Variants in SPTLC1 observed in about 807,000 individuals in gnomAD.
SPTLC1 encodes the protein serine palmitoyltransferase long chain base subunit 1.
A neutral mutation model predicts 68.9 loss-of-function variants in SPTLC1; 55 were observed. The observed-to-expected ratio is 0.80, with a 90% CI of 0.64 to 1.00. The LOEUF is 1.00. SPTLC1 is among the 50% of genes least tolerant of loss of function. The pLI is 0.00. For synonymous variants in SPTLC1, 197 were observed against 201.6 expected (o/e 0.98, Z 0.19); for missense variants, 449 against 573.1 (o/e 0.78, Z 2.21).
At chr9:92,076,476 C>G (rs1587949410) in intron 5 of SPTLC1, among the ~76,000 whole-genome samples, 1 of 152,208 alleles carries the variant, frequency 6.6e-6, no homozygotes, top group South Asian at 2.1e-4. Flanking sequence ...TCACTTCCCA[C>G]TCAAGGCAAC....
At chr9:92,069,278 A>C (rs560963173) in intron 5 of SPTLC1, among the ~76,000 whole-genome samples, 1 of 152,336 alleles carries the variant, frequency 6.6e-6, no homozygotes, top group African/African-American at 2.4e-5. Context: ...AAAATGAACT[A>C]TTAATTCCAT....
chr9:92,079,550 G>A (rs1165638219), intron 5 of SPTLC1: 1 of 1,613,450 alleles, frequency 6.2e-7, no homozygotes, highest in Non-Finnish European at 8.5e-7. Context: ...GGAAATCAAT[G>A]ATCCTTCATC....
chr9:92,049,968 C>A lies in SPTLC1; in HGVS notation c.880G>T (p.Gly294Ter), dbSNP rs1429517570. 1 of 1,606,296 alleles carries A rather than the reference C, an allele frequency of 6.2e-7. No homozygotes were observed. The highest frequency in any genetic ancestry group is 1.1e-5 in the South Asian group (1 of 90,914). Residue 294 changes from glycine to a stop codon, truncating the protein, a stop_gained, in exon 9 of 15, where the codon GGA becomes TGA. Coordinates refer to ENST00000262554, the MANE Select transcript of SPTLC1 (RefSeq NM_006415.4). LOFTEE classifies it high-confidence loss of function. ...EHGRGVTEHY[G>*]INIDDIDLIS... ...AAAAAAGGGGAACTTACATTGATTC[C>A]ATAGTGTTCAGTGACTCCTCGGCCA...
intron 7 of SPTLC1, among the ~76,000 whole-genome samples, chr9:92,057,890 T>G (rs1034273861): frequency 6.6e-6 from 1 of 152,212 alleles, no homozygotes; most frequent in African/African-American, 2.4e-5. Context: ...TAATTTTACT[T>G]CTTGTTGCTC....
chr9:92,059,324 A>G lies in SPTLC1; in HGVS notation c.561-16T>C, dbSNP rs1957845661. On this transcript the variant is annotated splice_polypyrimidine_tract_variant and intron_variant, in intron 6 of 14. Transcript: ENST00000262554. ...AGCTCTATCTCTGCAAGGAAAAGAGATCCACCAAATTGGGTTTAAAGGGTC... is the reference window on the plus strand; with the variant it reads ...AGCTCTATCTCTGCAAGGAAAAGAGGTCCACCAAATTGGGTTTAAAGGGTC... 6.2e-7 allele frequency: 1 copy of G among 1,612,976 alleles called. No homozygotes were observed. The highest frequency in any genetic ancestry group is 8.5e-7 in the Non-Finnish European group (1 of 1,179,952).
chr9:92,074,682 C>T (rs1457615603), intron 5 of SPTLC1, among the ~76,000 whole-genome samples: 3 of 152,110 alleles, frequency 2.0e-5, no homozygotes, highest in African/African-American at 7.2e-5. Flanking sequence ...TTAGTCCCTA[C>T]CAACTCCCCT....
intron 1 of SPTLC1, among the ~76,000 whole-genome samples, chr9:92,113,055 C>T (rs111923573): frequency 0.018 from 2,661 of 151,706 alleles, 68 homozygotes; most frequent in African/African-American, 0.06. Context: ...TGTGGTGAGC[C>T]GAGATCACAC....
intron 3 of SPTLC1, among the ~76,000 whole-genome samples, chr9:92,085,124 TTC>T (rs1240899782): frequency 6.6e-6 from 1 of 151,552 alleles, no homozygotes; most frequent in Admixed American, 6.6e-5. Flanking sequence ...TATTTGATTC[TTC>T]TCTCTTTTTT....
At chr9:92,062,348 G>A (rs1834136759) in intron 6 of SPTLC1, among the ~76,000 whole-genome samples, 1 of 152,012 alleles carries the variant, frequency 6.6e-6, no homozygotes. Context: ...AAACAAAAAA[G>A]CTAAATTTGA....
At chr9:92,103,634 G>A (rs1003550296) in intron 3 of SPTLC1, among the ~76,000 whole-genome samples, 4 of 152,348 alleles carry the variant, frequency 2.6e-5, no homozygotes, top group African/African-American at 4.8e-5. Flanking sequence ...TCAGGGCACC[G>A]CGTCCTCTCT....
At chr9:92,110,600 T>C (rs1587623389) in intron 2 of SPTLC1, 1 of 152,338 alleles carries the variant, frequency 6.6e-6, no homozygotes, top group Non-Finnish European at 1.5e-5. Context: ...ATTAACATTA[T>C]ATTAGCATAT....
At position 92,038,343 on chromosome 9, in the gene SPTLC1, C is replaced by A. The variant is rs1298409243; in HGVS notation, c.1159G>T (p.Gly387Trp). ...LQGISGLKVV[G>W]ESLSPAFHLQ... Reference sequence around the variant, plus strand: ...TGAAAGGCTGGAGAAAGGGACTCCCCCACCACTTTTAATCCAGAAATGCTG... The same window carrying A: ...TGAAAGGCTGGAGAAAGGGACTCCCACACCACTTTTAATCCAGAAATGCTG... The change falls in exon 13 of 15, where the codon GGG becomes TGG. Residue 387 changes from glycine (G) to tryptophan (W), a missense_variant. By Grantham distance (184) the Gly-to-Trp change is radical (BLOSUM62 -2). This residue lies in a region of SPTLC1 where 391 missense variants were observed against 472.1 expected (regional missense o/e 0.83). Transcript: ENST00000262554. 1.2e-6 allele frequency: 2 copies of A among 1,613,378 alleles called. No homozygotes were observed. Among genetic ancestry groups the A allele is most frequent in the Non-Finnish European group, 1.7e-6 (2 of 1,179,470 alleles).
intron 1 of SPTLC1, among the ~76,000 whole-genome samples, chr9:92,114,770 G>C (rs1209627898): frequency 1.3e-5 from 2 of 150,866 alleles, no homozygotes; most frequent in African/African-American, 4.9e-5. Context: ...AATAAAAATC[G>C]ACTAAACTAG....
chr9:92,111,118 T>A (rs774253183), intron 2 of SPTLC1: 3 of 152,168 alleles, frequency 2.0e-5, no homozygotes, highest in Non-Finnish European at 2.9e-5. Flanking sequence ...ATCTAATGAA[T>A]CACCCTTATG....
At chr9:92,089,174 G>A (rs190241906) in intron 3 of SPTLC1, among the ~76,000 whole-genome samples, 114 of 152,292 alleles carry the variant, frequency 7.5e-4, no homozygotes, top group African/African-American at 2.6e-3. Flanking sequence ...ACTTTGGGAG[G>A]CCGAGGCGAG....
intron 5 of SPTLC1, chr9:92,070,080 A>AT (rs1253120874): frequency 6.6e-6 from 1 of 152,210 alleles, no homozygotes; most frequent in Admixed American, 6.5e-5. Context: ...TACAGTTGCC[A>AT]TAAGTGGGAA....
intron 3 of SPTLC1, among the ~76,000 whole-genome samples, chr9:92,095,175 T>G (rs1191200370): frequency 6.6e-6 from 1 of 152,238 alleles, no homozygotes; most frequent in South Asian, 2.1e-4. Flanking sequence ...AAGACTCCAG[T>G]AGCTAAAAAG....
rs190940854 is a variant in SPTLC1, at chr9:92,040,305, G to A, written c.1137-1940C>T. ...CAATCGCTTGAACCTGGGAGGCAGA[G>A]GTTGCAATGAGCTGAGATCGTGCCA... On this transcript the variant is annotated intron_variant, in intron 12 of 14. Coordinates refer to ENST00000262554, the MANE Select transcript of SPTLC1 (RefSeq NM_006415.4). Among the ~76,000 whole-genome samples the A allele has an allele frequency of 5.7e-4, 87 of 152,100 alleles. No homozygotes were observed. In the East Asian group the frequency reaches 0.012, roughly 21 times the overall value.
intron 13 of SPTLC1, among the ~76,000 whole-genome samples, chr9:92,035,990 C>CT (rs1358246269): frequency 2.6e-5 from 4 of 152,316 alleles, no homozygotes; most frequent in Admixed American, 2.0e-4. Flanking sequence ...TTGGCAAAGC[C>CT]TCTCAGATCT....
Sources: allele counts gnomAD v4.1 joint callset (sites outside exome capture counted in the v4.1 genomes callset), GRCh38; gene constraint gnomAD v4.1.1; regional missense constraint gnomAD v4.1.1; transcripts MANE v1.5; gene names NCBI Gene and HGNC (gene_info 2026-07-23, HGNC 2026-07-21).